The following KCNH1 variants were observed in gnomAD, a reference collection of about 807,000 sequenced individuals.
KCNH1 encodes potassium voltage-gated channel subfamily H member 1.
Under a neutral mutation model 69.2 loss-of-function variants are expected in KCNH1, and 27 were observed. The ratio of observed to expected loss-of-function variants is 0.39; its 90% confidence interval spans 0.29 to 0.54. The LOEUF (loss-of-function observed/expected upper bound fraction) is 0.54, where lower values mean the gene tolerates loss of function less well. Ranked by LOEUF, KCNH1 falls within the 20% of genes least tolerant of loss-of-function variation. KCNH1 has a pLI of 0.68. For missense variants in KCNH1, 798 were observed against 1,261.6 expected, an observed-to-expected ratio of 0.63 and a Z score of 5.57; for synonymous variants, 456 against 487.7, an observed-to-expected ratio of 0.93 and a Z score of 0.86.
At chr1:210,982,034 A>T (rs1307783731) in intron 6 of KCNH1, among the ~76,000 whole-genome samples, 1 of 152,106 alleles carries the variant, frequency 6.6e-6, no homozygotes, top group African/African-American at 2.4e-5. Flanking sequence ...TCAGGAATCA[A>T]TCAGGCAAGA....
intron 7 of KCNH1, among the ~76,000 whole-genome samples, chr1:210,869,085 C>T (rs1045462843): frequency 2.6e-5 from 4 of 152,024 alleles, no homozygotes; most frequent in Non-Finnish European, 5.9e-5. Flanking sequence ...TCTTTAAAGA[C>T]GTCATGTCAT....
Position 210,683,500 on chromosome 1 carries a change from G to T in KCNH1, c.2751C>A (p.Ile917=), listed in dbSNP as rs996050125. The T allele has an allele frequency of 1.2e-6, 2 of 1,614,164 alleles. No homozygotes were observed. Among genetic ancestry groups the T allele is most frequent in the African/African-American group, 1.3e-5 (1 of 75,030 alleles). The change falls in exon 11 of 11, where the codon ATC becomes ATA. Residue 917 remains isoleucine, a synonymous_variant. Coordinates refer to ENST00000271751, the MANE Select transcript of KCNH1 (RefSeq NM_172362.3). This position sits in a 1 kb window ranked among gnomAD's most constrained non-coding sequence, Gnocchi z 5.7. ...LAEVKHSFYP[I]PEQTLQATVL... ...CTGTGGCCTGCAGCGTCTGCTCAGGGATGGGGTAGAACGAATGCTTGACCT... is the reference window on the plus strand; with the variant it reads ...CTGTGGCCTGCAGCGTCTGCTCAGGTATGGGGTAGAACGAATGCTTGACCT...
intron 9 of KCNH1, among the ~76,000 whole-genome samples, chr1:210,779,401 G>A (rs925621506): frequency 1.3e-5 from 2 of 152,180 alleles, no homozygotes; most frequent in African/African-American, 4.8e-5. Flanking sequence ...ACATAACTTG[G>A]GAGAACTGTC....
At chr1:210,860,977 A>G (rs1311702151) in intron 7 of KCNH1, 1 of 1,001,816 alleles carries the variant, frequency 1.0e-6, no homozygotes, top group East Asian at 2.4e-5. Context: ...AGAGCCAATC[A>G]TGCAGGGCTC....
intron 6 of KCNH1, among the ~76,000 whole-genome samples, chr1:210,981,893 T>C (rs1000830231): frequency 3.3e-5 from 5 of 152,126 alleles, no homozygotes; most frequent in African/African-American, 1.2e-4. Flanking sequence ...GGGGAATGTG[T>C]ATGTGTGGTC....
chr1:210,855,120 C>A (rs934784667), intron 7 of KCNH1, among the ~76,000 whole-genome samples: 1 of 152,116 alleles, frequency 6.6e-6, no homozygotes, highest in Admixed American at 6.5e-5. Flanking sequence ...CTCCCAAGAG[C>A]ATCAGCTAAA....
chr1:211,008,247 C>T (rs1284114914), intron 6 of KCNH1, among the ~76,000 whole-genome samples: 1 of 152,114 alleles, frequency 6.6e-6, no homozygotes, highest in Non-Finnish European at 1.5e-5. Context: ...TCTGACACAA[C>T]ATGAATAAAC....
intron 7 of KCNH1, among the ~76,000 whole-genome samples, chr1:210,885,366 T>C (rs1391637486): frequency 1.3e-5 from 2 of 152,212 alleles, no homozygotes; most frequent in Non-Finnish European, 2.9e-5. Flanking sequence ...TGAGGAATAG[T>C]GCACTCTGGC....
chr1:210,683,636 G>A lies in KCNH1; in HGVS notation c.2615C>T (p.Ala872Val). Residue 872 changes from alanine (A) to valine (V), a missense_variant, in exon 11 of 11, where the codon GCC becomes GTC. Around this residue, in one of 4 missense-constraint regions of KCNH1, gnomAD observed 331 missense variants for 363.2 expected, o/e 0.91. Transcript: ENST00000271751. The surrounding 1 kb of genome is among the most constrained non-coding windows in gnomAD (Gnocchi z 5.7). ...LPERTKASGE[A>V]TLKKTDSCDS... ...ACACGAGTCTGTCTTCTTCAGTGTG[G>A]CCTCGCCTGACGCTTTTGTCCTCTC... 1 of 1,614,200 alleles carries A rather than the reference G, an allele frequency of 6.2e-7. No individual in the cohort carries two copies. Among genetic ancestry groups the A allele is most frequent in the Non-Finnish European group, 8.5e-7 (1 of 1,180,030 alleles).
At chr1:211,064,724 T>G (rs972490633) in intron 5 of KCNH1, among the ~76,000 whole-genome samples, 1 of 152,070 alleles carries the variant, frequency 6.6e-6, no homozygotes, top group African/African-American at 2.4e-5. Context: ...AAGATCATAT[T>G]TGCAAATCAT....
chr1:210,915,425 C>A (rs1260239240), intron 7 of KCNH1, among the ~76,000 whole-genome samples: 4 of 152,090 alleles, frequency 2.6e-5, no homozygotes, highest in Non-Finnish European at 5.9e-5. Context: ...GCTGGCATGG[C>A]CTTGTGTTTC....
At chr1:211,054,600 A>G (rs879492177) in intron 5 of KCNH1, among the ~76,000 whole-genome samples, 1 of 152,156 alleles carries the variant, frequency 6.6e-6, no homozygotes, top group Non-Finnish European at 1.5e-5. Flanking sequence ...AAAAATAAGA[A>G]AAAACTAAAA....
intron 10 of KCNH1, among the ~76,000 whole-genome samples, chr1:210,766,947 AG>A (rs1683648055): frequency 6.6e-6 from 1 of 152,178 alleles, no homozygotes; most frequent in Non-Finnish European, 1.5e-5. Context: ...ATCAGAGGAG[AG>A]GCAGCCTGGG....
At chr1:210,810,622 A>G (rs1273389906) in intron 7 of KCNH1, among the ~76,000 whole-genome samples, 1 of 151,834 alleles carries the variant, frequency 6.6e-6, no homozygotes, top group Admixed American at 6.6e-5. Flanking sequence ...TTGAATTTTC[A>G]TTTGATATTA....
chr1:210,982,442 C>G lies in KCNH1; in HGVS notation c.1032+36341G>C, dbSNP rs1477946456. On this transcript the variant is annotated intron_variant, in intron 6 of 10. Transcript: ENST00000271751. ...CCTTCCCCCCACTCCACACCAGTCCCCGGTATGTGATGTTCCCCTTCCTGT... is the reference window on the plus strand; with the variant it reads ...CCTTCCCCCCACTCCACACCAGTCCGCGGTATGTGATGTTCCCCTTCCTGT... 2.6e-5 allele frequency among the ~76,000 whole-genome samples: 4 copies of G among 152,144 alleles called. No homozygotes were observed. In the Middle Eastern group the frequency reaches 0.014, roughly 521 times the overall value.
intron 7 of KCNH1, among the ~76,000 whole-genome samples, chr1:210,840,994 T>C (rs1354234061): frequency 6.6e-6 from 1 of 152,004 alleles, no homozygotes; most frequent in East Asian, 1.9e-4. Flanking sequence ...GTCCCACAAA[T>C]GTGGGCCAGT....
rs564209295 is a variant in KCNH1 at position 210,950,367 on chromosome 1, C to G, written c.1033-30298G>C. On this transcript the variant is annotated intron_variant, in intron 6 of 10. Transcript: ENST00000271751. ...TATATCTCCCAATGCTATCCCTCCC[C>G]CCTCCCCCACCCCACAACAGTCCCC... Among the ~76,000 whole-genome samples, 43 of 34,420 alleles carry G rather than the reference C, an allele frequency of 1.2e-3. 1 individual carries two copies. Among genetic ancestry groups the G allele is most frequent in the African/African-American group, 7.9e-3 (41 of 5,180 alleles). 22.6% of individuals were successfully genotyped at this position (34,420 alleles called of 152,430 possible).
chr1:210,886,137 T>G (rs1686601170), intron 7 of KCNH1, among the ~76,000 whole-genome samples: 1 of 152,086 alleles, frequency 6.6e-6, no homozygotes, highest in Non-Finnish European at 1.5e-5. Context: ...ACACCTCATA[T>G]AGGAGAATTC....
Position 210,839,350 on chromosome 1 carries a change from G to T in KCNH1, c.1463-35184C>A, listed in dbSNP as rs529106780. ...TACATGTTCTCACTTATAAGTGGGA[G>T]TGAAATGATGAGAACACATGGACAC... On this transcript the variant is annotated intron_variant, in intron 7 of 10. Coordinates refer to ENST00000271751, the MANE Select transcript of KCNH1 (RefSeq NM_172362.3). Among the ~76,000 whole-genome samples the T allele has an allele frequency of 3.9e-5, 6 of 152,284 alleles. No homozygotes were observed. In the South Asian group the frequency reaches 1.2e-3, roughly 32 times the overall value.
Sources: gnomAD v4.1 joint callset for allele counts (sites outside exome capture counted in the v4.1 genomes callset) on GRCh38, gnomAD v4.1.1 for gene constraint, gnomAD v4.1.1 regional missense constraint, Gnocchi (gnomAD v3.1) non-coding constraint, MANE v1.5 for transcripts, NCBI Gene and HGNC (gene_info 2026-07-23, HGNC 2026-07-21) for gene names.